Variants in MPPED2 observed in about 807,000 individuals in gnomAD.
MPPED2 encodes the protein metallophosphoesterase domain containing 2.
Under a neutral mutation model 33.0 loss-of-function variants are expected in MPPED2, and 5 were observed. The ratio of observed to expected loss-of-function variants is 0.15; its 90% CI spans 0.08 to 0.32. MPPED2 has a LOEUF of 0.32. Among genes scored for constraint, MPPED2 ranks in the 10% least tolerant of loss-of-function variants. MPPED2 has a pLI of 1.00. For missense variants in MPPED2, 275 were observed against 372.1 expected (o/e 0.74, Z 2.15); for synonymous variants, 136 against 141.9 (o/e 0.96, Z 0.29).
At chr11:30,421,011 G>C (rs1442760837) in intron 4 of MPPED2, among the ~76,000 whole-genome samples, 1 of 152,184 alleles carries the variant, frequency 6.6e-6, no homozygotes, top group Non-Finnish European at 1.5e-5. Context: ...TGTTTTGCTA[G>C]ATTTTGAAAA....
At chr11:30,499,876 T>C (rs1035341698) in intron 3 of MPPED2, among the ~76,000 whole-genome samples, 3 of 152,190 alleles carry the variant, frequency 2.0e-5, no homozygotes, top group African/African-American at 7.2e-5. Context: ...GTTTTGTTTT[T>C]GTAATGAACT....
chr11:30,478,853 C>T (rs1335854805), intron 4 of MPPED2, among the ~76,000 whole-genome samples: 3 of 152,070 alleles, frequency 2.0e-5, no homozygotes, highest in Non-Finnish European at 4.4e-5. Context: ...AGGAGGAAAA[C>T]CATGCCTGTG....
chr11:30,572,992 T>TG lies in MPPED2; in HGVS notation c.128+7253dup, dbSNP rs556357686. Among the ~76,000 whole-genome samples the TG allele has an allele frequency of 3.5e-4, 53 of 152,300 alleles. No individual in the cohort carries two copies. In the East Asian group the frequency reaches 9.8e-3, roughly 28 times the overall value. ...ACCTGAAATTCAGAGAGGCCCTACT[T>TG]GCTAAATATCAGAGCTGATTAGTGA... On this transcript the variant is annotated intron_variant, in intron 2 of 6. Coordinates refer to ENST00000358117, the MANE Select transcript of MPPED2 (RefSeq NM_001584.3).
At chr11:30,422,752 TA>T (rs1413395218) in intron 4 of MPPED2, among the ~76,000 whole-genome samples, 2 of 152,146 alleles carry the variant, frequency 1.3e-5, no homozygotes, top group Admixed American at 1.3e-4. Flanking sequence ...AACCAACTTG[TA>T]AAAAAATGTC....
At chr11:30,389,020 T>G in intron 6 of MPPED2, 2 of 1,494,524 alleles carry the variant, frequency 1.3e-6, no homozygotes, top group Non-Finnish European at 1.8e-6. Flanking sequence ...CCTAAATTAT[T>G]CAGTTTTCTC....
chr11:30,499,090 C>A (rs1399183402), intron 3 of MPPED2, among the ~76,000 whole-genome samples: 2 of 152,142 alleles, frequency 1.3e-5, no homozygotes, highest in Non-Finnish European at 2.9e-5. Context: ...CCCAAAGCAG[C>A]CATCACAAAA....
At chr11:30,491,999 C>G (rs550213459) in intron 4 of MPPED2, among the ~76,000 whole-genome samples, 1 of 152,326 alleles carries the variant, frequency 6.6e-6, no homozygotes, top group East Asian at 1.9e-4. Context: ...GTGGAAATCT[C>G]AACAGACTTA....
At chr11:30,548,838 TGTCAGGTGACCTGAATTTTTCTA>T (rs1214746831) in intron 2 of MPPED2, among the ~76,000 whole-genome samples, 3 of 152,198 alleles carry the variant, frequency 2.0e-5, no homozygotes, top group Non-Finnish European at 4.4e-5. Flanking sequence ...ACACTGCGTT[TGTCAGGTGACCTGAATTTTTCTA>T]AATTTGTTAA....
At chr11:30,526,576 C>G (rs1468078548) in intron 3 of MPPED2, among the ~76,000 whole-genome samples, 2 of 152,122 alleles carry the variant, frequency 1.3e-5, no homozygotes, top group Non-Finnish European at 2.9e-5. Flanking sequence ...GGCATATTCT[C>G]CTTTGTAAAT....
rs756299502 is a variant in MPPED2, at chr11:30,414,280, C to T, written c.714G>A (p.Thr238=). 4.5e-5 allele frequency: 72 copies of T among 1,613,920 alleles called. No homozygotes were observed. The highest frequency in any genetic ancestry group is 2.2e-4 in the Admixed American group (13 of 60,006). The change falls in exon 6 of 7, where the codon ACG becomes ACA. Residue 238 remains threonine, a synonymous_variant. Coordinates refer to ENST00000358117, the MANE Select transcript of MPPED2 (RefSeq NM_001584.3). ...QRVGCVELLN[T]VQRRVRPKLH... The stretch of plus-strand genomic sequence containing the variant: ...GCTTGGGCCGGACTCGCCTCTGAAC[C>T]GTGTTTAACAGCTCCACACAGCCCA...
At chr11:30,534,432 G>GA (rs1391209113) in intron 3 of MPPED2, among the ~76,000 whole-genome samples, 3 of 152,096 alleles carry the variant, frequency 2.0e-5, no homozygotes. Flanking sequence ...CTATGAAACT[G>GA]AAAAAATCAC....
intron 6 of MPPED2, 108 bp from the exon 7 acceptor site, chr11:30,411,694 A>G: frequency 2.6e-6 from 2 of 767,926 alleles, no homozygotes; most frequent in South Asian, 6.8e-5. Context: ...GGGCAGTGAG[A>G]TGAAATTCAG....
rs140158828 is a variant in MPPED2, at chr11:30,544,293, C to T, written c.129-8118G>A. ...TCCCTCCCTTCTAACATGGCAATCA[C>T]GTTAATCAGCTTAAAATTCTGGGTA... On this transcript the variant is annotated intron_variant, in intron 2 of 6. Transcript: ENST00000358117. 8.9e-3 allele frequency among the ~76,000 whole-genome samples: 1,350 copies of T among 152,216 alleles called. 6 individuals carry two copies. The highest frequency in any genetic ancestry group is 0.011 in the Non-Finnish European group (751 of 68,022).
At chr11:30,421,198 T>C (rs1397877420) in intron 4 of MPPED2, among the ~76,000 whole-genome samples, 1 of 152,184 alleles carries the variant, frequency 6.6e-6, no homozygotes, top group East Asian at 1.9e-4. Context: ...GGAACAGGGC[T>C]TAAATTTTTC....
intron 4 of MPPED2, among the ~76,000 whole-genome samples, chr11:30,461,149 G>A (rs773114292): frequency 2.6e-5 from 4 of 152,150 alleles, no homozygotes; most frequent in Non-Finnish European, 5.9e-5. Flanking sequence ...ATTTATATGA[G>A]GCACCTAAAA....
At chr11:30,513,334 C>T (rs1373959059) in intron 3 of MPPED2, among the ~76,000 whole-genome samples, 1 of 152,092 alleles carries the variant, frequency 6.6e-6, no homozygotes, top group Non-Finnish European at 1.5e-5. Flanking sequence ...TTGGTCAGGC[C>T]TTGTCTTCTG....
intron 6 of MPPED2, among the ~76,000 whole-genome samples, chr11:30,402,270 A>G (rs1947919363): frequency 6.6e-6 from 1 of 152,226 alleles, no homozygotes; most frequent in African/African-American, 2.4e-5. Context: ...AAATATTCAT[A>G]TCAATAAATT....
chr11:30,549,687 G>T (rs1955606540), intron 2 of MPPED2, among the ~76,000 whole-genome samples: 2 of 152,084 alleles, frequency 1.3e-5, no homozygotes, highest in Non-Finnish European at 2.9e-5. Flanking sequence ...AAACCTCACA[G>T]GTACTCCCTG....
chr11:30,516,760 T>C (rs1299996563), intron 3 of MPPED2, among the ~76,000 whole-genome samples: 1 of 152,150 alleles, frequency 6.6e-6, no homozygotes. Flanking sequence ...AGCAAATGCT[T>C]TTAAAAGAAT....
Sources: allele counts gnomAD v4.1 joint callset (sites outside exome capture counted in the v4.1 genomes callset), GRCh38; gene constraint gnomAD v4.1.1; transcripts MANE v1.5; gene names NCBI Gene and HGNC (gene_info 2026-07-23, HGNC 2026-07-21).